The following TEDC1 variants were observed in gnomAD, a reference collection of about 807,000 sequenced individuals.
TEDC1 encodes the protein tubulin epsilon and delta complex protein 1.
Under a neutral mutation model 59.9 loss-of-function variants are expected in TEDC1, and 54 were observed. That is an observed-to-expected ratio of 0.90 (90% CI 0.72 to 1.13). TEDC1 has a LOEUF of 1.13. TEDC1 is among the 50% of genes most tolerant of loss of function. The pLI, the probability that TEDC1 is intolerant of heterozygous loss-of-function variation, is 0.00. For missense variants in TEDC1, 734 were observed against 683.4 expected (o/e 1.07, Z -0.83); for synonymous variants, 353 against 298.1 (o/e 1.18, Z -1.90).
rs782169968 is a variant in TEDC1, at chr14:105,492,086, G to A, written c.227-21G>A. 4.5e-6 allele frequency: 7 copies of A among 1,572,474 alleles called. No homozygotes were observed. The East Asian group carries it at 7.1e-5, about 16-fold the overall frequency. ...ACCTCCAGGTGGGTGGTCCCCCTAA[G>A]GTGGTGGTCTTCTGTCCTAGAGGTC... is the stretch of plus-strand genomic sequence containing the variant. On this transcript the variant is annotated intron_variant, in intron 2 of 8. Coordinates refer to ENST00000392523, the MANE Select transcript of TEDC1 (RefSeq NM_001367178.1).
At chr14:105,494,837 G>A (rs587645610) in intron 5 of TEDC1, 2 of 151,418 alleles carry the variant, frequency 1.3e-5, no homozygotes, top group African/African-American at 4.8e-5. Flanking sequence ...TGGTTTCAGG[G>A]GATAGGGCAG....
In TEDC1 at chr14:105,491,413, GGGCCCGGGCCGGGGCCC is replaced by G; in HGVS notation, c.39_55del (p.Arg15Ter). 7.1e-7 allele frequency: 1 copy of G among 1,417,662 alleles called. No homozygotes were observed. Among genetic ancestry groups the G allele is most frequent in the Non-Finnish European group, 9.1e-7 (1 of 1,095,440 alleles). 87.8% of individuals were successfully genotyped at this position (1,417,662 alleles called of 1,614,324 possible). A position where few individuals can be genotyped will look rare whatever the true frequency, so the allele number is the denominator to read the frequency against. ...CGGCAGCGGGTGGACCCCGCGGCTG[GGGCCCGGGCCGGGGCCC>G]TGCCTGAGGCCATCGCCGCGTTGAG... On this transcript the variant is annotated frameshift_variant, in exon 1 of 9. Transcript: ENST00000392523. LOFTEE classifies it high-confidence loss of function.
At chr14:105,491,030 C>T (rs1360841865), upstream of TEDC1, 14 of 1,550,828 alleles carry the variant, frequency 9.0e-6, no homozygotes, top group Non-Finnish European at 8.7e-6. Context: ...ATAGACTACA[C>T]TCAAACTCCA....
rs2084207668 is a variant in TEDC1 at position 105,491,515 on chromosome 14, C to T, written c.140C>T (p.Pro47Leu). ...TTCCGCCGCGCCAAGTTCGACCGTCCGGAGGCGGTGACGCTCTCGCGGAGG... is the reference window on the plus strand; with the variant it reads ...TTCCGCCGCGCCAAGTTCGACCGTCTGGAGGCGGTGACGCTCTCGCGGAGG... Reference protein sequence around the residue: ...EIFRRAKFDRPEATSALWQLL... With the variant: ...EIFRRAKFDRLEATSALWQLL... Residue 47 changes from proline (P) to leucine (L), a missense_variant, in exon 1 of 9, where the codon CCG (proline) becomes CTG (leucine). Pro to Leu is a moderately conservative substitution (Grantham distance 98). Coordinates refer to ENST00000392523, the MANE Select transcript of TEDC1 (RefSeq NM_001367178.1). 3.3e-6 allele frequency: 5 copies of T among 1,514,328 alleles called. No homozygotes were observed. Among genetic ancestry groups the T allele is most frequent in the South Asian group, 2.5e-5 (2 of 79,476 alleles). The allele number at this position is 1,514,328 out of a possible 1,614,324, so 93.8% of individuals were successfully genotyped here. A position where few individuals can be genotyped will look rare whatever the true frequency, so the allele number is the denominator to read the frequency against.
Position 105,499,086 on chromosome 14 carries a change from G to A in TEDC1, c.*140G>A. 1 of 949,518 alleles carries A rather than the reference G, an allele frequency of 1.1e-6. No individual in the cohort carries two copies. The highest frequency in any genetic ancestry group is 1.5e-6 in the Non-Finnish European group (1 of 654,428). The allele number at this position is 949,518 out of a possible 1,614,324, so 58.8% of individuals were successfully genotyped here. On this transcript the variant is annotated 3_prime_UTR_variant, in exon 9 of 9. Coordinates refer to ENST00000392523, the MANE Select transcript of TEDC1 (RefSeq NM_001367178.1). ...ACGTCACATGCTCGCTCCAGGGGTG[G>A]GGCTGGGCTGACTCTGGCCGGATCC...
At position 105,498,784 on chromosome 14, in the gene TEDC1, G is replaced by C; in HGVS notation, c.1326G>C (p.Gly442=). ...TGAGACGAGAGGATGGGGCAGCAGG[G>C]GACCGGGACCTGCGGGCAGCTGTGG... The part of the protein sequence containing the change: ...RLVRREDGAA[G]DRDLRAAVVI... The change falls in exon 9 of 9, where the codon GGG becomes GGC. Residue 442 remains glycine (G), a synonymous_variant. Coordinates refer to ENST00000392523, the MANE Select transcript of TEDC1 (RefSeq NM_001367178.1). 1 of 1,577,884 alleles carries C rather than the reference G, an allele frequency of 6.3e-7. No homozygotes were observed. Among genetic ancestry groups the C allele is most frequent in the African/African-American group, 1.3e-5 (1 of 74,528 alleles).
rs184014847 is a variant in TEDC1 at position 105,492,884 on chromosome 14, C to T, written c.585+150C>T. ...CCCTGGCTTACCCAAAGCCTGAGCCCGTGGTTCCCGGTGGTCCTTGTAGGG... is the reference window on the plus strand; with the variant it reads ...CCCTGGCTTACCCAAAGCCTGAGCCTGTGGTTCCCGGTGGTCCTTGTAGGG... On this transcript the variant is annotated intron_variant, in intron 4 of 8. Coordinates refer to ENST00000392523, the MANE Select transcript of TEDC1 (RefSeq NM_001367178.1). The T allele has an allele frequency of 2.3e-3, 2,771 of 1,187,478 alleles. 2 individuals are homozygous for T. Among genetic ancestry groups the T allele is most frequent in the Non-Finnish European group, 2.8e-3 (2,435 of 873,218 alleles). 73.6% of individuals were successfully genotyped at this position (1,187,478 alleles called of 1,614,324 possible).
Position 105,498,911 on chromosome 14 carries a change from C to A in TEDC1, c.1453C>A (p.Pro485Thr). 1 of 1,610,758 alleles carries A rather than the reference C, an allele frequency of 6.2e-7. No homozygotes were observed. Among genetic ancestry groups the A allele is most frequent in the Non-Finnish European group, 8.5e-7 (1 of 1,179,424 alleles). ...ACTGGCCAGGCTGGTGGGAGCCCGC[C>A]CTGGTCTCATCTGGATCCCGCCACC... ...QELARLVGARPGLIWIPPPGR is the reference protein window; with the variant it reads ...QELARLVGARTGLIWIPPPGR The change falls in exon 9 of 9, where the codon CCT (proline) becomes ACT (threonine). Residue 485 changes from proline to threonine, a missense_variant. By Grantham distance (38) the Pro-to-Thr change is conservative. Transcript: ENST00000392523.
In TEDC1 at chr14:105,492,721, C is replaced by T. The variant is rs1429558256; in HGVS notation, c.572C>T (p.Ala191Val). 2.6e-6 allele frequency: 4 copies of T among 1,542,748 alleles called. No individual in the cohort carries two copies. The highest frequency in any genetic ancestry group is 1.2e-5 in the South Asian group (1 of 84,058). Reference sequence around the variant, plus strand: ...GTGTCCAGTCAGCAGGAGCAGTGCGCCCTCCTGAGCAAGGTAGAGCTGGCA... The same window carrying T: ...GTGTCCAGTCAGCAGGAGCAGTGCGTCCTCCTGAGCAAGGTAGAGCTGGCA... ...QLVSSQQEQC[A>V]LLSKIHLYTR... Residue 191 changes from alanine to valine, a missense_variant, in exon 4 of 9, where the codon GCC (alanine) becomes GTC (valine). Transcript: ENST00000392523.
At chr14:105,493,686 A>G (rs587596284) in intron 4 of TEDC1, 149 bp from the exon 5 acceptor site, 25 of 632,774 alleles carry the variant, frequency 4.0e-5, no homozygotes, top group African/African-American at 3.5e-4. Context: ...AGCCCCGCCA[A>G]CCTCAGGCAA....
At chr14:105,495,634 G>A (rs1268536173) in intron 5 of TEDC1, 3 of 504,188 alleles carry the variant, frequency 6.0e-6, no homozygotes, top group Admixed American at 3.7e-5. Context: ...GGGCGTCCTG[G>A]TCTGCCCTTG....
Position 105,497,992 on chromosome 14 carries a change from C to A in TEDC1, c.1158+15C>A. ...GGGAGGCCAAGGTGAGTGCCAGCCT[C>A]GCTCTGGGCACCAGCCCAGCCCCAC... On this transcript the variant is annotated intron_variant, in intron 8 of 8. Transcript: ENST00000392523. The A allele has an allele frequency of 6.6e-7, 1 of 1,504,818 alleles. No individual in the cohort carries two copies. Among genetic ancestry groups the A allele is most frequent in the Non-Finnish European group, 8.9e-7 (1 of 1,124,810 alleles). The allele number at this position is 1,504,818 out of a possible 1,614,324, so 93.2% of individuals were successfully genotyped here. A position where few individuals can be genotyped will look rare whatever the true frequency, so the allele number is the denominator to read the frequency against.
chr14:105,491,679 G>A lies in TEDC1; in HGVS notation c.205G>A (p.Ala69Thr). The A allele has an allele frequency of 1.3e-6, 2 of 1,549,328 alleles. No homozygotes were observed. Among genetic ancestry groups the A allele is most frequent in the South Asian group, 1.2e-5 (1 of 84,056 alleles). Residue 69 changes from alanine (A) to threonine (T), a missense_variant, in exon 2 of 9, where the codon GCC becomes ACC. Physicochemically the swap from Ala to Thr is moderately conservative, Grantham distance 58. Coordinates refer to ENST00000392523, the MANE Select transcript of TEDC1 (RefSeq NM_001367178.1). ...RVLSPLPAGN[A>T]LASLALEVQA... ...GCTCTCGCCACTCCCTGCGGGCAACGCCTTGGCATCGCTCGCCCTGGGTAA... is the reference window on the plus strand; with the variant it reads ...GCTCTCGCCACTCCCTGCGGGCAACACCTTGGCATCGCTCGCCCTGGGTAA...
rs1011819628 is a variant in TEDC1, at chr14:105,497,958, G to T, written c.1139G>T (p.Arg380Leu). ...EELREAAERRRAAWEAKAGGC... is the reference protein window; with the variant it reads ...EELREAAERRLAAWEAKAGGC... ...CTGCGGGAGGCTGCGGAGCGCAGGC[G>T]GGCGGCCTGGGAGGCCAAGGTGAGT... Residue 380 changes from arginine to leucine, a missense_variant, in exon 8 of 9, where the codon CGG becomes CTG. Transcript: ENST00000392523. The T allele has an allele frequency of 2.4e-5, 37 of 1,534,182 alleles. No homozygotes were observed. Among genetic ancestry groups the T allele is most frequent in the Non-Finnish European group, 3.2e-5 (36 of 1,140,414 alleles).
rs1555441185 is a variant in TEDC1, at chr14:105,498,981, C to T, written c.*35C>T. ...GACGGGCCCTCGTGTGGGAAGCCTGCCCTGGCCCAGCCTGGCTGGGTCTTG... is the reference window on the plus strand; with the variant it reads ...GACGGGCCCTCGTGTGGGAAGCCTGTCCTGGCCCAGCCTGGCTGGGTCTTG... On this transcript the variant is annotated 3_prime_UTR_variant, in exon 9 of 9. Coordinates refer to ENST00000392523, the MANE Select transcript of TEDC1 (RefSeq NM_001367178.1). 1.9e-6 allele frequency: 3 copies of T among 1,558,634 alleles called. No homozygotes were observed. In the East Asian group the frequency reaches 6.9e-5, roughly 36 times the overall value.
At chr14:105,496,134 G>T in intron 6 of TEDC1, 48 bp downstream of exon 6, 1 of 945,648 alleles carries the variant, frequency 1.1e-6, no homozygotes, top group East Asian at 3.1e-5. Flanking sequence ...GGACTTGGGG[G>T]TGGGTGGGAG....
At position 105,491,706 on chromosome 14, in the gene TEDC1, C is replaced by G; in HGVS notation, c.226+6C>G. 6.5e-7 allele frequency: 1 copy of G among 1,547,160 alleles called. No homozygotes were observed. Among genetic ancestry groups the G allele is most frequent in the South Asian group, 1.2e-5 (1 of 84,036 alleles). On this transcript the variant is annotated splice_donor_region_variant and intron_variant, in intron 2 of 8. Transcript: ENST00000392523. ...CTTGGCATCGCTCGCCCTGGGTAAG[C>G]CCCGCTCCTGGCCCCGCCCACCCGG...
intron 5 of TEDC1, chr14:105,494,226 G>T: frequency 4.0e-6 from 2 of 496,912 alleles, no homozygotes; most frequent in Non-Finnish European, 7.4e-6. Flanking sequence ...AGGGCAGGCT[G>T]TTGGAATAAA....
chr14:105,497,691 T>G, intron 7 of TEDC1, 107 bp from the exon 8 acceptor site: 1 of 1,353,328 alleles, frequency 7.4e-7, no homozygotes, highest in Non-Finnish European at 9.9e-7. Context: ...GCTGAGATGG[T>G]GGCATCCAGC....
Sources: allele counts gnomAD v4.1 joint callset, GRCh38; gene constraint gnomAD v4.1.1; transcripts MANE v1.5; gene names NCBI Gene and HGNC (gene_info 2026-07-23, HGNC 2026-07-21).